The following IGF1R variants were observed in gnomAD, a reference collection of about 807,000 sequenced individuals.
The protein encoded by IGF1R is insulin-like growth factor 1 receptor.
In IGF1R, 44 loss-of-function variants were observed where a neutral mutation model predicts 144.6. That is an observed-to-expected ratio of 0.30 (90% CI 0.24 to 0.39). The LOEUF (loss-of-function observed/expected upper bound fraction) is 0.39. Among genes scored for constraint, IGF1R ranks in the 10% least tolerant of loss-of-function variants. IGF1R has a pLI of 1.00. For missense variants in IGF1R, 1,355 were observed against 1,833.7 expected, an observed-to-expected ratio of 0.74 and a Z score of 4.77; for synonymous variants, 795 against 722.8, an observed-to-expected ratio of 1.10 and a Z score of -1.60.
chr15:98,682,763 G>A (rs2053224578), intron 1 of IGF1R, among the ~76,000 whole-genome samples: 1 of 151,856 alleles, frequency 6.6e-6, no homozygotes, highest in Non-Finnish European at 1.5e-5. Context: ...GGCCAGGCTG[G>A]TCTGGAACTC....
At chr15:98,712,824 G>A (rs1449229717) in intron 2 of IGF1R, among the ~76,000 whole-genome samples, 1 of 150,610 alleles carries the variant, frequency 6.6e-6, no homozygotes, top group East Asian at 2.0e-4. Context: ...TAACCAGGCT[G>A]GTCTCGAACT....
chr15:98,929,796 T>A lies in IGF1R; in HGVS notation c.2885+136T>A, dbSNP rs1018559626. On this transcript the variant is annotated intron_variant, in intron 14 of 20. Transcript: ENST00000650285. Reference sequence around the variant, plus strand: ...AAAACCTGATTTTCCCATCAAATGTTCTTCCAGGAAAAGAGAACCTTTTCT... The same window carrying A: ...AAAACCTGATTTTCCCATCAAATGTACTTCCAGGAAAAGAGAACCTTTTCT... 4 of 733,808 alleles carry A rather than the reference T, an allele frequency of 5.5e-6. No homozygotes were observed. The African/African-American group carries it at 7.0e-5, about 13-fold the overall frequency. 45.5% of individuals were successfully genotyped at this position (733,808 alleles called of 1,614,324 possible). A position where few individuals can be genotyped will look rare whatever the true frequency, so the allele number is the denominator to read the frequency against.
Position 98,747,979 on chromosome 15 carries a change from C to T in IGF1R, c.640+39872C>T, listed in dbSNP as rs183930515. Among the ~76,000 whole-genome samples, 34 of 151,998 alleles carry T rather than the reference C, an allele frequency of 2.2e-4. No homozygotes were observed. The East Asian group carries it at 2.9e-3, about 13-fold the overall frequency. On this transcript the variant is annotated intron_variant, in intron 2 of 20. Transcript: ENST00000650285. ...TGTGGATTCGTTAGGCCAAAGATTTCGGTAATATATTTGGAAGAGATAAAT... is the reference window on the plus strand; with the variant it reads ...TGTGGATTCGTTAGGCCAAAGATTTTGGTAATATATTTGGAAGAGATAAAT...
chr15:98,936,115 C>T (rs1374109949), intron 17 of IGF1R, among the ~76,000 whole-genome samples: 3 of 152,196 alleles, frequency 2.0e-5, no homozygotes, highest in African/African-American at 7.2e-5. Context: ...TGTTGGCGGT[C>T]CTTGTCTTTG....
chr15:98,851,613 G>A (rs1316135774), intron 2 of IGF1R, among the ~76,000 whole-genome samples: 1 of 152,196 alleles, frequency 6.6e-6, no homozygotes, highest in East Asian at 1.9e-4. Flanking sequence ...ATCCCCAGGT[G>A]CTGCCCAATT....
At chr15:98,798,200 G>T (rs1276217923) in intron 2 of IGF1R, among the ~76,000 whole-genome samples, 2 of 152,158 alleles carry the variant, frequency 1.3e-5, no homozygotes, top group Non-Finnish European at 2.9e-5. Context: ...GTTAGGTGTG[G>T]GGTACAGGGT....
intron 2 of IGF1R, among the ~76,000 whole-genome samples, chr15:98,821,240 CCT>C (rs1247087850): frequency 6.6e-6 from 1 of 152,046 alleles, no homozygotes; most frequent in African/African-American, 2.4e-5. Flanking sequence ...TTTTTCCCTT[CCT>C]CTGTTGATTT....
chr15:98,958,576 C>T lies in IGF1R; in HGVS notation c.*1134C>T, dbSNP rs975327900. 8.6e-6 allele frequency: 2 copies of T among 232,792 alleles called. No individual in the cohort carries two copies. The highest frequency in any genetic ancestry group is 1.7e-5 in the Non-Finnish European group (2 of 117,538). The allele number at this position is 232,792 out of a possible 1,614,324, so 14.4% of individuals were successfully genotyped here. On this transcript the variant is annotated 3_prime_UTR_variant, in exon 21 of 21. Coordinates refer to ENST00000650285, the MANE Select transcript of IGF1R (RefSeq NM_000875.5). Reference sequence around the variant, plus strand: ...AAGCTTTGTTGACATTTTCTCTGTTCCTAGGACTTCTTCATGGGTCTTACA... The same window carrying T: ...AAGCTTTGTTGACATTTTCTCTGTTTCTAGGACTTCTTCATGGGTCTTACA...
chr15:98,871,978 A>T (rs1224734366), intron 2 of IGF1R, among the ~76,000 whole-genome samples: 2 of 152,222 alleles, frequency 1.3e-5, no homozygotes, highest in African/African-American at 4.8e-5. Flanking sequence ...CCCTGTCTAA[A>T]AGGAACTCCT....
At chr15:98,814,707 T>C (rs563073201) in intron 2 of IGF1R, among the ~76,000 whole-genome samples, 25 of 152,334 alleles carry the variant, frequency 1.6e-4, no homozygotes, top group African/African-American at 5.5e-4. Context: ...TCAGAGAGCT[T>C]ATTAGTGTCT....
intron 1 of IGF1R, among the ~76,000 whole-genome samples, chr15:98,702,020 T>C (rs2053745815): frequency 7.4e-6 from 1 of 135,048 alleles, no homozygotes; most frequent in African/African-American, 2.8e-5. Flanking sequence ...TCTGGGCTCA[T>C]GGGAGTCACG....
rs146246654 is a variant in IGF1R, at chr15:98,782,624, G to A, written c.640+74517G>A. On this transcript the variant is annotated intron_variant, in intron 2 of 20. Coordinates refer to ENST00000650285, the MANE Select transcript of IGF1R (RefSeq NM_000875.5). ...CATTTTTAACCATTGCATAAAGCTG[G>A]AATGATGGACATGATTTCTTTAATC... Among the ~76,000 whole-genome samples the A allele has an allele frequency of 3.4e-3, 525 of 152,248 alleles. 7 individuals carry two copies. The highest frequency in any genetic ancestry group is 0.012 in the African/African-American group (497 of 41,554).
In IGF1R at chr15:98,964,298, A is replaced by C. The variant is rs1285310849; in HGVS notation, c.*6856A>C. ...TCTGTGTATAAATTATTCCTAAAAA[A>C]TCCTGTTTATATAAAAAATCAGTAG... On this transcript the variant is annotated 3_prime_UTR_variant, in exon 21 of 21. Coordinates refer to ENST00000650285, the MANE Select transcript of IGF1R (RefSeq NM_000875.5). 4.3e-6 allele frequency: 1 copy of C among 232,270 alleles called. No individual in the cohort carries two copies. The highest frequency in any genetic ancestry group is 8.5e-6 in the Non-Finnish European group (1 of 117,308). 14.4% of individuals were successfully genotyped at this position (232,270 alleles called of 1,614,324 possible). A position where few individuals can be genotyped will look rare whatever the true frequency, so the allele number is the denominator to read the frequency against.
intron 2 of IGF1R, among the ~76,000 whole-genome samples, chr15:98,862,738 C>T (rs1174837575): frequency 6.6e-6 from 1 of 152,166 alleles, no homozygotes; most frequent in Non-Finnish European, 1.5e-5. Flanking sequence ...GTCTTTTTCT[C>T]AACTTAGTTG....
chr15:98,936,336 T>TC (rs1236665744), intron 17 of IGF1R, among the ~76,000 whole-genome samples: 6 of 152,270 alleles, frequency 3.9e-5, no homozygotes, highest in Middle Eastern at 3.4e-3. Context: ...CCGTGGTGTC[T>TC]CCCCCCTCTG....
At chr15:98,864,475 A>T (rs997469080) in intron 2 of IGF1R, among the ~76,000 whole-genome samples, 1 of 152,114 alleles carries the variant, frequency 6.6e-6, no homozygotes, top group South Asian at 2.1e-4. Flanking sequence ...AGGAGCCTCA[A>T]CCTCCCAGGT....
chr15:98,914,938 G>A (rs2015178769), intron 8 of IGF1R, among the ~76,000 whole-genome samples: 1 of 152,226 alleles, frequency 6.6e-6, no homozygotes, highest in Admixed American at 6.5e-5. Context: ...GAAAACGCCA[G>A]TATTAGTCAT....
intron 1 of IGF1R, among the ~76,000 whole-genome samples, chr15:98,695,293 G>A (rs1423702753): frequency 6.6e-6 from 1 of 152,108 alleles, no homozygotes; most frequent in Admixed American, 6.6e-5. Context: ...CTCCTTTGAC[G>A]GGTCAAGGCA....
At position 98,714,561 on chromosome 15, in the gene IGF1R, C is replaced by T. The variant is rs114786504; in HGVS notation, c.640+6454C>T. Among the ~76,000 whole-genome samples, 395 of 151,840 alleles carry T rather than the reference C, an allele frequency of 2.6e-3. 2 individuals are homozygous for T. The highest frequency in any genetic ancestry group is 9.0e-3 in the African/African-American group (374 of 41,374). Reference sequence around the variant, plus strand: ...TTTGGGAGGCTGAGATGGGAGGATCCGCCTGAGCCTGGGGAGATGGAGGTT... The same window carrying T: ...TTTGGGAGGCTGAGATGGGAGGATCTGCCTGAGCCTGGGGAGATGGAGGTT... On this transcript the variant is annotated intron_variant, in intron 2 of 20. Coordinates refer to ENST00000650285, the MANE Select transcript of IGF1R (RefSeq NM_000875.5).
Sources: allele counts gnomAD v4.1 joint callset (sites outside exome capture counted in the v4.1 genomes callset), GRCh38; gene constraint gnomAD v4.1.1; transcripts MANE v1.5; gene names NCBI Gene and HGNC (gene_info 2026-07-23, HGNC 2026-07-21).